Variants in GALNTL6 observed in about 807,000 individuals in gnomAD.
The protein encoded by GALNTL6 is polypeptide N-acetylgalactosaminyltransferase-like 6.
GALNTL6 carries 46 observed loss-of-function variants against 73.7 expected under a neutral mutation model. The ratio of observed to expected loss-of-function variants is 0.62; its 90% CI spans 0.49 to 0.80. The LOEUF is 0.80. GALNTL6 is among the 30% of genes least tolerant of loss of function. The probability of loss-of-function intolerance (pLI) is 0.00; values close to 1 mark genes in which losing one functional copy is unlikely to be tolerated. For missense variants in GALNTL6, 604 were observed against 755.0 expected (o/e 0.80, Z 2.34); for synonymous variants, 259 against 263.7 (o/e 0.98, Z 0.17).
At position 172,504,196 on chromosome 4, in the gene GALNTL6, A is replaced by C. The variant is rs1336568898; in HGVS notation, c.553+155507A>C. Among the ~76,000 whole-genome samples the C allele has an allele frequency of 4.8e-4, 22 of 45,622 alleles. 9 individuals carry two copies. The highest frequency in any genetic ancestry group is 1.2e-3 in the African/African-American group (22 of 17,928). The allele number at this position is 45,622 out of a possible 152,430, so 29.9% of individuals were successfully genotyped here. A position where few individuals can be genotyped will look rare whatever the true frequency, so the allele number is the denominator to read the frequency against. The stretch of plus-strand genomic sequence containing the variant: ...AAAAAAAAACTCACACCTTGTTGAT[A>C]TTGGTCCTATTCCAGGAGATAGGTA... On this transcript the variant is annotated intron_variant, in intron 5 of 12. Transcript: ENST00000506823.
intron 2 of GALNTL6, among the ~76,000 whole-genome samples, chr4:172,156,033 A>G (rs1301270571): frequency 6.6e-6 from 1 of 152,072 alleles, no homozygotes; most frequent in Admixed American, 6.6e-5. Context: ...CCAACAGACA[A>G]CAGGAGGCGG....
chr4:172,109,279 GA>G (rs1054044351), intron 2 of GALNTL6, among the ~76,000 whole-genome samples: 11 of 151,632 alleles, frequency 7.3e-5, no homozygotes, highest in African/African-American at 2.7e-4. Flanking sequence ...TTGCATAAAA[GA>G]ATTGTACTCA....
intron 2 of GALNTL6, among the ~76,000 whole-genome samples, chr4:171,972,489 C>A: frequency 6.6e-6 from 1 of 152,016 alleles, no homozygotes; most frequent in East Asian, 1.9e-4. Flanking sequence ...CCTGTTTGAT[C>A]AGAAAAGAGA....
intron 5 of GALNTL6, among the ~76,000 whole-genome samples, chr4:172,775,627 A>C (rs1739030216): frequency 6.6e-6 from 1 of 152,174 alleles, no homozygotes; most frequent in Non-Finnish European, 1.5e-5. Context: ...TTCAGGGTAG[A>C]TAAACCATAG....
At chr4:172,900,565 A>G (rs549296614) in intron 8 of GALNTL6, among the ~76,000 whole-genome samples, 1 of 152,332 alleles carries the variant, frequency 6.6e-6, no homozygotes, top group South Asian at 2.1e-4. Flanking sequence ...AGCTGGGTGC[A>G]AAGTTTACAA....
At chr4:172,080,454 G>A (rs1357913207) in intron 2 of GALNTL6, among the ~76,000 whole-genome samples, 2 of 152,146 alleles carry the variant, frequency 1.3e-5, no homozygotes, top group African/African-American at 4.8e-5. Flanking sequence ...ATAAGCCACT[G>A]TGCCTGACCT....
intron 5 of GALNTL6, among the ~76,000 whole-genome samples, chr4:172,752,684 G>T (rs1385550562): frequency 6.6e-6 from 1 of 152,062 alleles, no homozygotes; most frequent in African/African-American, 2.4e-5. Flanking sequence ...GAATAACTAT[G>T]TTCAACATTA....
chr4:171,877,740 T>G (rs527397731), intron 2 of GALNTL6, among the ~76,000 whole-genome samples: 6 of 152,346 alleles, frequency 3.9e-5, no homozygotes, highest in African/African-American at 1.4e-4. Flanking sequence ...CTGCTTGACC[T>G]CTTTCTTCTT....
intron 2 of GALNTL6, among the ~76,000 whole-genome samples, chr4:172,150,980 T>C (rs1400122098): frequency 1.3e-5 from 2 of 152,180 alleles, no homozygotes; most frequent in Non-Finnish European, 1.5e-5. Context: ...AATCTACTAT[T>C]TGGCATATGA....
intron 2 of GALNTL6, among the ~76,000 whole-genome samples, chr4:172,148,880 TA>T (rs1423027871): frequency 6.6e-6 from 1 of 152,244 alleles, no homozygotes; most frequent in Non-Finnish European, 1.5e-5. Flanking sequence ...TAGATGGACA[TA>T]AAACAGCCCT....
Position 171,907,530 on chromosome 4 carries a change from G to A in GALNTL6, c.138+92812G>A, listed in dbSNP as rs549545023. ...AAATGGAAGAATATTCCATGCTCATGGGTAGGAAGAATCAATATCGTGAAA... is the reference window on the plus strand; with the variant it reads ...AAATGGAAGAATATTCCATGCTCATAGGTAGGAAGAATCAATATCGTGAAA... On this transcript the variant is annotated intron_variant, in intron 2 of 12. Transcript: ENST00000506823. Among the ~76,000 whole-genome samples, 8 of 152,020 alleles carry A rather than the reference G, an allele frequency of 5.3e-5. No homozygotes were observed. In the East Asian group the frequency reaches 1.5e-3, roughly 29 times the overall value.
intron 2 of GALNTL6, among the ~76,000 whole-genome samples, chr4:171,981,407 A>G (rs755143703): frequency 1.2e-4 from 18 of 152,332 alleles, no homozygotes; most frequent in Non-Finnish European, 2.2e-4. Flanking sequence ...AGCTGTGAAG[A>G]TAAGCTGTCA....
intron 12 of GALNTL6, among the ~76,000 whole-genome samples, chr4:173,033,841 T>C (rs1470947624): frequency 3.3e-5 from 5 of 152,184 alleles, no homozygotes; most frequent in Admixed American, 2.0e-4. Context: ...ACTCTTAAAA[T>C]GAATCTTTCT....
intron 2 of GALNTL6, among the ~76,000 whole-genome samples, chr4:171,976,580 AC>A (rs1401459712): frequency 6.6e-6 from 1 of 152,238 alleles, no homozygotes; most frequent in East Asian, 1.9e-4. Flanking sequence ...GAAGAGTATA[AC>A]ATGCAGCGTT....
rs796199195 is a variant in GALNTL6, at chr4:172,238,913, G to T, written c.247+9149G>T. ...TGTGATGAATCACATTTATTGATTT[G>T]CATATGTTGAACCAACCTTGTAGCC... is the stretch of plus-strand genomic sequence containing the variant. On this transcript the variant is annotated intron_variant, in intron 3 of 12. Transcript: ENST00000506823. Among the ~76,000 whole-genome samples, 27 of 152,188 alleles carry T rather than the reference G, an allele frequency of 1.8e-4. 1 individual carries two copies. The highest frequency in any genetic ancestry group is 5.8e-4 in the African/African-American group (24 of 41,528).
intron 5 of GALNTL6, among the ~76,000 whole-genome samples, chr4:172,765,009 T>C (rs1032378686): frequency 6.6e-6 from 1 of 152,226 alleles, no homozygotes; most frequent in African/African-American, 2.4e-5. Flanking sequence ...GGGAATAAGC[T>C]ATCATTCTCT....
intron 9 of GALNTL6, among the ~76,000 whole-genome samples, chr4:172,936,741 A>G (rs1473319617): frequency 6.6e-6 from 1 of 152,220 alleles, no homozygotes; most frequent in Non-Finnish European, 1.5e-5. Context: ...AGAACTAACT[A>G]TAAGAACCAT....
chr4:172,243,621 T>C (rs1737524991), intron 3 of GALNTL6, among the ~76,000 whole-genome samples: 1 of 152,132 alleles, frequency 6.6e-6, no homozygotes, highest in South Asian at 2.1e-4. Flanking sequence ...ATGATTAAAG[T>C]CACTAAGCGG....
At chr4:172,772,313 G>A (rs1031317389) in intron 5 of GALNTL6, among the ~76,000 whole-genome samples, 1 of 152,068 alleles carries the variant, frequency 6.6e-6, no homozygotes, top group Non-Finnish European at 1.5e-5. Flanking sequence ...AGGAAGACAG[G>A]ACTCCAGTCT....
Sources: allele counts gnomAD v4.1 joint callset (sites outside exome capture counted in the v4.1 genomes callset), GRCh38; gene constraint gnomAD v4.1.1; transcripts MANE v1.5; gene names NCBI Gene and HGNC (gene_info 2026-07-23, HGNC 2026-07-21).